SPCS3: variants seen among roughly 807,000 people sequenced by gnomAD.
SPCS3 encodes the protein SPase 22 kDa subunit.
Under a neutral mutation model 17.2 loss-of-function variants are expected in SPCS3, and 9 were observed. That is an observed-to-expected ratio of 0.52 (90% CI 0.31 to 0.91). The LOEUF is 0.91. Among genes scored for constraint, SPCS3 ranks in the 40% least tolerant of loss-of-function variants. The pLI, the probability that SPCS3 is intolerant of heterozygous loss-of-function variation, is 0.04. For synonymous variants in SPCS3, 87 were observed against 89.6 expected, an observed-to-expected ratio of 0.97 and a Z score of 0.16; for missense variants, 139 against 217.5, an observed-to-expected ratio of 0.64 and a Z score of 2.27.
At chr4:176,326,660 C>T (rs542474046) in intron 3 of SPCS3, among the ~76,000 whole-genome samples, 1 of 152,242 alleles carries the variant, frequency 6.6e-6, no homozygotes, top group African/African-American at 2.4e-5. Flanking sequence ...GAGAAGATTT[C>T]TTATAAATTT....
rs889080427 is a variant in SPCS3, at chr4:176,320,011, C to G, written c.-66C>G. The G allele has an allele frequency of 2.7e-5, 38 of 1,427,236 alleles. No individual in the cohort carries two copies. Among genetic ancestry groups the G allele is most frequent in the Non-Finnish European group, 3.1e-5 (33 of 1,075,824 alleles). 88.4% of individuals were successfully genotyped at this position (1,427,236 alleles called of 1,614,324 possible). A position where few individuals can be genotyped will look rare whatever the true frequency, so the allele number is the denominator to read the frequency against. On this transcript the variant is annotated 5_prime_UTR_variant, in exon 1 of 5. Transcript: ENST00000503362. The stretch of plus-strand genomic sequence containing the variant: ...GCAGACGGCGCGGATCGCAGGGAGC[C>G]GGTCCGCCGCCGGAACGGGAGCCTG...
In SPCS3 at chr4:176,330,771, T is replaced by G. The variant is rs748773077; in HGVS notation, c.*2441T>G. On this transcript the variant is annotated 3_prime_UTR_variant, in exon 5 of 5. Coordinates refer to ENST00000503362, the MANE Select transcript of SPCS3 (RefSeq NM_021928.4). ...AGGCTTATACAAAACTGAGTATGATTAGAAATACCTGAGCCCAGAAATGAT... is the reference window on the plus strand; with the variant it reads ...AGGCTTATACAAAACTGAGTATGATGAGAAATACCTGAGCCCAGAAATGAT... 1.3e-5 allele frequency: 2 copies of G among 152,198 alleles called. No homozygotes were observed. Among genetic ancestry groups the G allele is most frequent in the Non-Finnish European group, 2.9e-5 (2 of 68,034 alleles). The allele number at this position is 152,198 out of a possible 1,614,324, so 9.4% of individuals were successfully genotyped here.
intron 1 of SPCS3, 130 bp from the exon 2 acceptor site, chr4:176,322,040 G>C: frequency 1.9e-6 from 1 of 529,680 alleles, no homozygotes; most frequent in Non-Finnish European, 3.4e-6. Context: ...GGTTTCTCTG[G>C]TGTTTACTCG....
Position 176,327,294 on chromosome 4 carries a change from CA to C in SPCS3, c.410+18del. ...TGGTCTCAAGTGAGCAATTCTTGGT[CA>C]TTTTTTTACATTTAATAAGAGGTGA... On this transcript the variant is annotated intron_variant, in intron 4 of 4. Coordinates refer to ENST00000503362, the MANE Select transcript of SPCS3 (RefSeq NM_021928.4). 3 of 1,364,300 alleles carry C rather than the reference CA, an allele frequency of 2.2e-6. No individual in the cohort carries two copies. Among genetic ancestry groups the C allele is most frequent in the Non-Finnish European group, 3.0e-6 (3 of 1,005,110 alleles). 84.5% of individuals were successfully genotyped at this position (1,364,300 alleles called of 1,614,324 possible).
At chr4:176,321,932 T>G in intron 1 of SPCS3, 1 of 338,150 alleles carries the variant, frequency 3.0e-6, no homozygotes, top group Non-Finnish European at 5.4e-6. Context: ...TTTTATCCCC[T>G]TCTGAGTTTT....
chr4:176,320,657 C>G (rs1293338184), intron 1 of SPCS3: 1 of 152,918 alleles, frequency 6.5e-6, no homozygotes, highest in Non-Finnish European at 1.5e-5. Context: ...CGCTCTGGGT[C>G]GGGCTTCCGT....
At chr4:176,327,029 C>A in intron 3 of SPCS3, 133 bp from the exon 4 acceptor site, 2 of 550,846 alleles carry the variant, frequency 3.6e-6, no homozygotes, top group Non-Finnish European at 3.2e-6. Flanking sequence ...CATTTGTATG[C>A]ATTAAGATTT....
Position 176,328,184 on chromosome 4 carries a change from A to G in SPCS3, c.411-14A>G, listed in dbSNP as rs748658997. 10 of 1,608,888 alleles carry G rather than the reference A, an allele frequency of 6.2e-6. No individual in the cohort carries two copies. In the African/African-American group the frequency reaches 1.2e-4, roughly 19 times the overall value. ...GTGTCTCTGATGACTTGTGTTTATT[A>G]TATCTTTTTATAGGGGAAACAGGAA... On this transcript the variant is annotated splice_polypyrimidine_tract_variant and intron_variant, in intron 4 of 4. Coordinates refer to ENST00000503362, the MANE Select transcript of SPCS3 (RefSeq NM_021928.4).
At position 176,327,163 on chromosome 4, in the gene SPCS3, C is replaced by T. The variant is rs752650184; in HGVS notation, c.296C>T (p.Ala99Val). 4.9e-5 allele frequency: 76 copies of T among 1,555,140 alleles called. No homozygotes were observed. The highest frequency in any genetic ancestry group is 6.1e-5 in the Non-Finnish European group (70 of 1,149,288). Residue 99 changes from alanine (A) to valine (V), a missense_variant and splice_region_variant, in exon 4 of 5, where the codon GCT becomes GTT. Coordinates refer to ENST00000503362, the MANE Select transcript of SPCS3 (RefSeq NM_021928.4). The stretch of plus-strand genomic sequence containing the variant: ...TAATTAATTTTCATTTTAATATAGG[C>T]TCTGAACCAAGTTGTCCTATGGGAC... ...LSAEYSTKNN[A>V]LNQVVLWDKI...
chr4:176,328,403 T>A lies in SPCS3; in HGVS notation c.*73T>A. 1.6e-6 allele frequency: 2 copies of A among 1,248,358 alleles called. No individual in the cohort carries two copies. The highest frequency in any genetic ancestry group is 4.1e-5 in the South Asian group (2 of 48,770). 77.3% of individuals were successfully genotyped at this position (1,248,358 alleles called of 1,614,324 possible). A position where few individuals can be genotyped will look rare whatever the true frequency, so the allele number is the denominator to read the frequency against. ...TCTCATTAATCTCTTCCCTTACATCTTCATGTATTGTTGGTTTGTTTTTTG... is the reference window on the plus strand; with the variant it reads ...TCTCATTAATCTCTTCCCTTACATCATCATGTATTGTTGGTTTGTTTTTTG... On this transcript the variant is annotated 3_prime_UTR_variant, in exon 5 of 5. Coordinates refer to ENST00000503362, the MANE Select transcript of SPCS3 (RefSeq NM_021928.4).
intron 3 of SPCS3, 113 bp downstream of exon 3, chr4:176,324,370 A>G: frequency 2.0e-6 from 1 of 502,046 alleles, no homozygotes; most frequent in Non-Finnish European, 3.0e-6. Flanking sequence ...CTAGCAAAAC[A>G]TCACAAGCCA....
Position 176,331,805 on chromosome 4 carries a change from T to G in SPCS3, c.*3475T>G, listed in dbSNP as rs902221313. 5.3e-5 allele frequency: 8 copies of G among 152,182 alleles called. No individual in the cohort carries two copies. Among genetic ancestry groups the G allele is most frequent in the African/African-American group, 1.9e-4 (8 of 41,424 alleles). 9.4% of individuals were successfully genotyped at this position (152,182 alleles called of 1,614,324 possible). The stretch of plus-strand genomic sequence containing the variant: ...GGTTTTGCTATGTTGGCCAGGCTGG[T>G]CTCAAACTCCTGACCTCAAGTGATC... On this transcript the variant is annotated 3_prime_UTR_variant, in exon 5 of 5. Transcript: ENST00000503362.
Position 176,327,185 on chromosome 4 carries a change from G to A in SPCS3, c.318G>A (p.Trp106Ter). The A allele has an allele frequency of 6.3e-7, 1 of 1,589,818 alleles. No individual in the cohort carries two copies. The highest frequency in any genetic ancestry group is 8.5e-7 in the Non-Finnish European group (1 of 1,170,060). ...KNNALNQVVLWDKIVLRGDNP... is the reference protein window; with the variant it reads ...KNNALNQVVL ...AGGCTCTGAACCAAGTTGTCCTATG[G>A]GACAAGATTGTTTTGAGAGGTGATA... Residue 106 changes from tryptophan to a stop codon, truncating the protein, a stop_gained, in exon 4 of 5, where the codon TGG becomes TGA. Transcript: ENST00000503362. LOFTEE classifies it high-confidence loss of function.
rs1315265591 is a variant in SPCS3 at position 176,324,247 on chromosome 4, C to A, written c.284C>A (p.Thr95Lys). The A allele has an allele frequency of 2.6e-6, 3 of 1,136,270 alleles. No homozygotes were observed. The highest frequency in any genetic ancestry group is 1.5e-5 in the South Asian group (1 of 64,652). The allele number at this position is 1,136,270 out of a possible 1,614,324, so 70.4% of individuals were successfully genotyped here. A position where few individuals can be genotyped will look rare whatever the true frequency, so the allele number is the denominator to read the frequency against. The change falls in exon 3 of 5, where the codon ACA becomes AAA. Residue 95 changes from threonine to lysine, a missense_variant. Physicochemically the swap from Thr to Lys is moderately conservative, Grantham distance 78 (BLOSUM62 -1). Transcript: ENST00000503362. ...CTTTATTTATCAGCAGAATATTCAA[C>A]AAAAAATAATGTAAGTATATCTAAT... Reference protein sequence around the residue: ...LFLYLSAEYSTKNNALNQVVL... With the variant: ...LFLYLSAEYSKKNNALNQVVL...
intron 2 of SPCS3, 33 bp from the exon 3 acceptor site, chr4:176,324,148 C>A: frequency 1.0e-6 from 1 of 1,002,938 alleles, no homozygotes; most frequent in Non-Finnish European, 1.4e-6. Context: ...TGATATACTG[C>A]TCATAAATTT....
At chr4:176,322,563 A>G (rs1009989490) in intron 2 of SPCS3, among the ~76,000 whole-genome samples, 2 of 152,170 alleles carry the variant, frequency 1.3e-5, no homozygotes, top group African/African-American at 4.8e-5. Flanking sequence ...AAGGAAAAAT[A>G]TTACCAATGC....
At chr4:176,323,496 C>A (rs1294763049) in intron 2 of SPCS3, among the ~76,000 whole-genome samples, 2 of 152,018 alleles carry the variant, frequency 1.3e-5, no homozygotes, top group Non-Finnish European at 2.9e-5. Context: ...TGTGTTACTA[C>A]CAGTGTGGAA....
rs1731573925 is a variant in SPCS3, at chr4:176,324,218, GTTTC to G, written c.259_262del (p.Leu87IlefsTer13). The G allele has an allele frequency of 2.5e-6, 3 of 1,178,552 alleles. No homozygotes were observed. Among genetic ancestry groups the G allele is most frequent in the Non-Finnish European group, 3.5e-6 (3 of 857,398 alleles). The allele number at this position is 1,178,552 out of a possible 1,614,324, so 73.0% of individuals were successfully genotyped here. On this transcript the variant is annotated frameshift_variant, in exon 3 of 5. Transcript: ENST00000503362. LOFTEE classifies it high-confidence loss of function. ...TATTTGATTGGAATGTTAAGCAGTT[GTTTC>G]TTTATTTATCAGCAGAATATTCAAC...
chr4:176,324,941 A>G (rs1731584490), intron 3 of SPCS3, among the ~76,000 whole-genome samples: 1 of 152,080 alleles, frequency 6.6e-6, no homozygotes, highest in Non-Finnish European at 1.5e-5. Context: ...ACTGTCAATG[A>G]TATTAATTAA....
Sources: gnomAD v4.1 joint callset for allele counts (sites outside exome capture counted in the v4.1 genomes callset) on GRCh38, gnomAD v4.1.1 for gene constraint, MANE v1.5 for transcripts, NCBI Gene and HGNC (gene_info 2026-07-23, HGNC 2026-07-21) for gene names.